ZNF804A: variants seen among roughly 807,000 people sequenced by gnomAD.
The protein encoded by ZNF804A is zinc finger protein 804A.
A neutral mutation model predicts 16.5 loss-of-function variants in ZNF804A; 2 were observed. The observed-to-expected ratio is 0.12, with a 90% CI of 0.05 to 0.38. The LOEUF is 0.38. ZNF804A is among the 10% of genes least tolerant of loss of function. The pLI, the probability that ZNF804A is intolerant of heterozygous loss-of-function variation, is 0.99. For missense variants in ZNF804A, 1,473 were observed against 1,390.7 expected, an observed-to-expected ratio of 1.06 and a Z score of -0.94; for synonymous variants, 534 against 489.6, an observed-to-expected ratio of 1.09 and a Z score of -1.20.
chr2:184,664,812 A>ACAGCT (rs1195677825), intron 1 of ZNF804A, among the ~76,000 whole-genome samples: 1 of 152,128 alleles, frequency 6.6e-6, no homozygotes, highest in Non-Finnish European at 1.5e-5. Flanking sequence ...TGTCTTTACG[A>ACAGCT]CAGCTCTTGT....
intron 1 of ZNF804A, among the ~76,000 whole-genome samples, chr2:184,685,481 G>A (rs1692613828): frequency 6.6e-6 from 1 of 152,102 alleles, no homozygotes; most frequent in Non-Finnish European, 1.5e-5. Context: ...AGGGTCCTGA[G>A]TTCTTGGCCC....
In ZNF804A at chr2:184,937,046, C is replaced by G. The variant is rs898904401; in HGVS notation, c.1650C>G (p.Asn550Lys). The part of the protein sequence containing the change: ...KNENTGQRYK[N>K]ISCKIRETEK... ...AGAACACAGGTCAGAGGTATAAAAA[C>G]ATTTCCTGTAAGATCAGAGAAACAG... is the stretch of plus-strand genomic sequence containing the variant. The change falls in exon 4 of 4, where the codon AAC becomes AAG. Residue 550 changes from asparagine to lysine, a missense_variant. Physicochemically the swap from Asn to Lys is moderately conservative, Grantham distance 94. Transcript: ENST00000302277. 1 of 1,608,240 alleles carries G rather than the reference C, an allele frequency of 6.2e-7. No homozygotes were observed. Among genetic ancestry groups the G allele is most frequent in the Non-Finnish European group, 8.5e-7 (1 of 1,178,236 alleles).
intron 1 of ZNF804A, among the ~76,000 whole-genome samples, chr2:184,705,872 T>C (rs1693022155): frequency 6.6e-6 from 1 of 152,130 alleles, no homozygotes; most frequent in Non-Finnish European, 1.5e-5. Context: ...GAACAACAGA[T>C]TGACACCTGA....
At chr2:184,658,906 T>A (rs572110741) in intron 1 of ZNF804A, among the ~76,000 whole-genome samples, 1 of 152,328 alleles carries the variant, frequency 6.6e-6, no homozygotes, top group East Asian at 1.9e-4. Flanking sequence ...GCAAACCCAG[T>A]GCAGAGAGGA....
At chr2:184,908,298 A>G (rs1009906991) in intron 2 of ZNF804A, among the ~76,000 whole-genome samples, 6 of 151,718 alleles carry the variant, frequency 4.0e-5, no homozygotes, top group African/African-American at 1.5e-4. Context: ...CCATCATTGA[A>G]TCTCTCTCTC....
chr2:184,681,669 A>C lies in ZNF804A; in HGVS notation c.111+82599A>C, dbSNP rs1008889256. Reference sequence around the variant, plus strand: ...GCAGCCTGTCTGGTGCAGTCACTGCAGGGATGCCAGCTTCAACAGGGGAAG... The same window carrying C: ...GCAGCCTGTCTGGTGCAGTCACTGCCGGGATGCCAGCTTCAACAGGGGAAG... On this transcript the variant is annotated intron_variant, in intron 1 of 3. Transcript: ENST00000302277. 8.5e-5 allele frequency among the ~76,000 whole-genome samples: 13 copies of C among 152,356 alleles called. No homozygotes were observed. In the East Asian group the frequency reaches 2.5e-3, roughly 29 times the overall value.
intron 1 of ZNF804A, among the ~76,000 whole-genome samples, chr2:184,788,096 G>A (rs974046456): frequency 6.6e-6 from 1 of 151,802 alleles, no homozygotes; most frequent in African/African-American, 2.4e-5. Context: ...TGAGTACGGT[G>A]TCATTTTCCC....
At chr2:184,753,978 C>T (rs971781800) in intron 1 of ZNF804A, among the ~76,000 whole-genome samples, 1 of 151,780 alleles carries the variant, frequency 6.6e-6, no homozygotes, top group Admixed American at 6.6e-5. Flanking sequence ...ATGGAGAAAA[C>T]ACATTTTATC....
At chr2:184,612,010 T>C (rs745512720) in intron 1 of ZNF804A, among the ~76,000 whole-genome samples, 14 of 152,326 alleles carry the variant, frequency 9.2e-5, no homozygotes, top group Admixed American at 2.0e-4. Context: ...CTGATGTTTT[T>C]AGGGTTTTTT....
At chr2:184,661,367 T>C (rs991622312) in intron 1 of ZNF804A, among the ~76,000 whole-genome samples, 1 of 152,188 alleles carries the variant, frequency 6.6e-6, no homozygotes, top group African/African-American at 2.4e-5. Context: ...CTTTTGCTCC[T>C]GCTGCCCATA....
At chr2:184,629,126 G>A (rs559467846) in intron 1 of ZNF804A, among the ~76,000 whole-genome samples, 1 of 152,100 alleles carries the variant, frequency 6.6e-6, no homozygotes, top group African/African-American at 2.4e-5. Context: ...TCCATGTCTT[G>A]TTCTTATTGA....
chr2:184,677,785 A>T (rs1373323359), intron 1 of ZNF804A, among the ~76,000 whole-genome samples: 1 of 152,042 alleles, frequency 6.6e-6, no homozygotes, highest in African/African-American at 2.4e-5. Flanking sequence ...CTCAACTTTG[A>T]GCTCTCTTTA....
At chr2:184,886,710 C>T (rs973934707) in intron 2 of ZNF804A, among the ~76,000 whole-genome samples, 4 of 152,256 alleles carry the variant, frequency 2.6e-5, no homozygotes, top group Admixed American at 1.3e-4. Flanking sequence ...CGCTTGCACC[C>T]TCCAAAGCCA....
At chr2:184,701,175 T>C (rs1692913592) in intron 1 of ZNF804A, among the ~76,000 whole-genome samples, 1 of 151,942 alleles carries the variant, frequency 6.6e-6, no homozygotes, top group Admixed American at 6.6e-5. Flanking sequence ...TTGCATGCAT[T>C]TTAATGTAAA....
chr2:184,938,999 T>C lies in ZNF804A; in HGVS notation c.3603T>C (p.Thr1201=). Residue 1201 remains threonine, a synonymous_variant, in exon 4 of 4, where the codon ACT becomes ACC. Transcript: ENST00000302277. ...LFPSLLSPHP[T]VIPLQPLF ...CTTCACTGCTTTCCCCACACCCTAC[T>C]GTCATCCCTTTGCAACCTCTCTTCT... The C allele has an allele frequency of 6.2e-7, 1 of 1,613,918 alleles. No homozygotes were observed. Among genetic ancestry groups the C allele is most frequent in the Non-Finnish European group, 8.5e-7 (1 of 1,179,892 alleles).
chr2:184,636,244 C>T (rs1691693748), intron 1 of ZNF804A, among the ~76,000 whole-genome samples: 1 of 151,676 alleles, frequency 6.6e-6, no homozygotes, highest in South Asian at 2.1e-4. Context: ...ATGTTTCTCC[C>T]ATTAAAACAG....
intron 1 of ZNF804A, among the ~76,000 whole-genome samples, chr2:184,666,182 A>T (rs1465821115): frequency 6.6e-6 from 1 of 152,180 alleles, no homozygotes; most frequent in Non-Finnish European, 1.5e-5. Flanking sequence ...TAGCAAATAC[A>T]TGTAGAGCAA....
At chr2:184,675,694 G>A (rs978746992) in intron 1 of ZNF804A, among the ~76,000 whole-genome samples, 1 of 151,582 alleles carries the variant, frequency 6.6e-6, no homozygotes, top group African/African-American at 2.4e-5. Flanking sequence ...AGTGAGGCAC[G>A]GAGATATTTA....
At chr2:184,827,473 AAT>A (rs1364240623) in intron 1 of ZNF804A, among the ~76,000 whole-genome samples, 1 of 146,512 alleles carries the variant, frequency 6.8e-6, no homozygotes, top group African/African-American at 2.5e-5. Context: ...TATATACTAT[AAT>A]ATATATTTAT....
Sources: gnomAD v4.1 joint callset for allele counts (sites outside exome capture counted in the v4.1 genomes callset) on GRCh38, gnomAD v4.1.1 for gene constraint, MANE v1.5 for transcripts, NCBI Gene and HGNC (gene_info 2026-07-23, HGNC 2026-07-21) for gene names.